WWOX: variants seen among roughly 807,000 people sequenced by gnomAD.
WWOX encodes WW domain containing oxidoreductase, also known as WW domain-containing oxidoreductase.
Under a neutral mutation model 46.2 loss-of-function variants are expected in WWOX, and 69 were observed. The observed-to-expected ratio is 1.49, with a 90% CI of 1.23 to 1.82. WWOX has a LOEUF of 1.82. Ranked by LOEUF, WWOX falls within the 40% of genes most tolerant of loss-of-function variation. WWOX has a pLI of 0.00. For missense variants in WWOX, 919 were observed against 542.6 expected (o/e 1.69, Z -6.89); for synonymous variants, 359 against 202.6 (o/e 1.77, Z -6.56).
intron 8 of WWOX, among the ~76,000 whole-genome samples, chr16:79,164,777 C>G (rs2050558223): frequency 6.6e-6 from 1 of 152,096 alleles, no homozygotes; most frequent in African/African-American, 2.4e-5. Context: ...TCAGCAAACT[C>G]AGTGACAGAG....
chr16:78,276,845 C>T (rs913446564), intron 5 of WWOX, among the ~76,000 whole-genome samples: 2 of 152,164 alleles, frequency 1.3e-5, no homozygotes, highest in African/African-American at 4.8e-5. Context: ...TCCTTGTCCC[C>T]ATTTTTCTTT....
chr16:78,404,715 C>CTAG (rs1432495700), intron 6 of WWOX, among the ~76,000 whole-genome samples: 1 of 152,136 alleles, frequency 6.6e-6, no homozygotes, highest in African/African-American at 2.4e-5. Flanking sequence ...TGAAGTGAGG[C>CTAG]TAGTAGGTCA....
intron 8 of WWOX, among the ~76,000 whole-genome samples, chr16:78,865,225 G>C (rs968383016): frequency 6.6e-6 from 1 of 151,910 alleles, no homozygotes; most frequent in Non-Finnish European, 1.5e-5. Flanking sequence ...GATGCGATCA[G>C]TTTTTTTTCC....
At chr16:79,127,196 A>G (rs553177911) in intron 8 of WWOX, among the ~76,000 whole-genome samples, 222 of 152,060 alleles carry the variant, frequency 1.5e-3, no homozygotes, top group African/African-American at 5.2e-3. Context: ...GTATACATAT[A>G]CACACACACA....
intron 8 of WWOX, among the ~76,000 whole-genome samples, chr16:78,831,191 C>T (rs1024457865): frequency 2.0e-5 from 3 of 151,470 alleles, no homozygotes; most frequent in African/African-American, 4.9e-5. Flanking sequence ...GCTGTCTGAG[C>T]ACCATCTCTG....
chr16:78,715,330 T>A (rs1253255691), intron 8 of WWOX, among the ~76,000 whole-genome samples: 1 of 152,070 alleles, frequency 6.6e-6, no homozygotes, highest in Non-Finnish European at 1.5e-5. Context: ...CAACTGCACA[T>A]TTGTCAAAGT....
chr16:78,594,130 C>T (rs559097807), intron 8 of WWOX, among the ~76,000 whole-genome samples: 1 of 152,262 alleles, frequency 6.6e-6, no homozygotes, highest in Admixed American at 6.5e-5. Flanking sequence ...ACTCCTCCTC[C>T]TGGCTTATTA....
chr16:78,733,828 G>A (rs561275614), intron 8 of WWOX, among the ~76,000 whole-genome samples: 1 of 152,212 alleles, frequency 6.6e-6, no homozygotes, highest in African/African-American at 2.4e-5. Context: ...CACTTTGGGA[G>A]TCCAAGGCAA....
At chr16:78,416,140 C>G (rs576759308) in intron 6 of WWOX, among the ~76,000 whole-genome samples, 2 of 152,188 alleles carry the variant, frequency 1.3e-5, no homozygotes, top group East Asian at 1.9e-4. Context: ...AAAATGCTGA[C>G]TAGTAACATC....
chr16:78,539,402 C>A (rs944452198), intron 8 of WWOX, among the ~76,000 whole-genome samples: 7 of 152,274 alleles, frequency 4.6e-5, no homozygotes, highest in Middle Eastern at 6.8e-3. Flanking sequence ...CCTTAGAAAA[C>A]ATACAGCATT....
At chr16:78,159,452 A>G (rs1250939196) in intron 4 of WWOX, among the ~76,000 whole-genome samples, 1 of 152,118 alleles carries the variant, frequency 6.6e-6, no homozygotes, top group African/African-American at 2.4e-5. Flanking sequence ...TTTCTCACGC[A>G]TAAGGGGGCT....
chr16:78,677,922 C>T (rs1454685184), intron 8 of WWOX, among the ~76,000 whole-genome samples: 1 of 152,206 alleles, frequency 6.6e-6, no homozygotes, highest in East Asian at 1.9e-4. Flanking sequence ...CCGTTCCACT[C>T]CTACAAATCT....
At chr16:78,149,916 C>G (rs1319845925) in intron 4 of WWOX, among the ~76,000 whole-genome samples, 1 of 152,146 alleles carries the variant, frequency 6.6e-6, no homozygotes, top group African/African-American at 2.4e-5. Flanking sequence ...CTTCCCATGA[C>G]AAATGTGTGG....
At chr16:78,431,250 A>G (rs2083210432) in intron 7 of WWOX, among the ~76,000 whole-genome samples, 1 of 152,240 alleles carries the variant, frequency 6.6e-6, no homozygotes, top group South Asian at 2.1e-4. Context: ...TGCCATGGGT[A>G]TACTTAAAAA....
At chr16:79,126,446 G>A (rs1426127956) in intron 8 of WWOX, among the ~76,000 whole-genome samples, 1 of 152,160 alleles carries the variant, frequency 6.6e-6, no homozygotes, top group Non-Finnish European at 1.5e-5. Context: ...GCTAGTGAGT[G>A]AGTTGTCATG....
intron 8 of WWOX, among the ~76,000 whole-genome samples, chr16:78,908,763 C>T (rs935258930): frequency 3.3e-5 from 5 of 152,054 alleles, no homozygotes; most frequent in Non-Finnish European, 2.9e-5. Context: ...TGGGTGGGAG[C>T]CACAAGACCA....
In WWOX at chr16:78,424,930, A is replaced by C. The variant is rs982171635; in HGVS notation, c.666A>C (p.Lys222Asn). The C allele has an allele frequency of 3.1e-6, 5 of 1,614,074 alleles. No individual in the cohort carries two copies. Among genetic ancestry groups the C allele is most frequent in the Non-Finnish European group, 4.2e-6 (5 of 1,180,046 alleles). ...TTGCTCTACCCTGGAGTCTCACCAA[A>C]GATGGCCTGGAGACCACCTTTCAAG... is the stretch of plus-strand genomic sequence containing the variant. ...ATFALPWSLT[K>N]DGLETTFQVN... The change falls in exon 7 of 9, where the codon AAA (lysine) becomes AAC (asparagine). Residue 222 changes from lysine (K) to asparagine (N), a missense_variant. Lys to Asn is a moderately conservative substitution (Grantham distance 94). Transcript: ENST00000566780.
intron 8 of WWOX, among the ~76,000 whole-genome samples, chr16:78,950,517 AAC>A (rs748466625): frequency 4.8e-5 from 5 of 105,214 alleles, no homozygotes; most frequent in Non-Finnish European, 9.7e-5. Context: ...CTATTAAAGG[AAC>A]ACACACACAC....
intron 8 of WWOX, chr16:78,896,132 TA>T (rs1482187519): frequency 6.6e-6 from 1 of 151,192 alleles, no homozygotes; most frequent in African/African-American, 2.4e-5. Flanking sequence ...GTAGGTTTTA[TA>T]AAAGAAGGAA....
Sources: gnomAD v4.1 joint callset for allele counts (sites outside exome capture counted in the v4.1 genomes callset) on GRCh38, gnomAD v4.1.1 for gene constraint, MANE v1.5 for transcripts, NCBI Gene and HGNC (gene_info 2026-07-23, HGNC 2026-07-21) for gene names.